Variants in ISM1 observed in about 807,000 individuals in gnomAD.
ISM1 encodes the protein isthmin-1.
A neutral mutation model predicts 46.3 loss-of-function variants in ISM1; 25 were observed. The ratio of observed to expected loss-of-function variants is 0.54; its 90% CI spans 0.39 to 0.75. ISM1 has a LOEUF of 0.75. ISM1 is among the 30% of genes least tolerant of loss of function. The pLI, the probability that ISM1 is intolerant of heterozygous loss-of-function variation, is 0.00. For synonymous variants in ISM1, 255 were observed against 256.7 expected (o/e 0.99, Z 0.06); for missense variants, 536 against 625.4 (o/e 0.86, Z 1.52).
chr20:13,292,406 G>C lies in ISM1; in HGVS notation c.820G>C (p.Glu274Gln), dbSNP rs374247955. The C allele has an allele frequency of 1.2e-6, 2 of 1,606,756 alleles. No individual in the cohort carries two copies. Among genetic ancestry groups the C allele is most frequent in the Admixed American group, 3.4e-5 (2 of 59,184 alleles). ...IEDTFRTAAT[E>Q]VSLLAGSEEF... ...AGACACTTTTAGGACAGCTGCCACCGAAGTGAGTCTGCTTGCGGGAAGCGA... is the reference window on the plus strand; with the variant it reads ...AGACACTTTTAGGACAGCTGCCACCCAAGTGAGTCTGCTTGCGGGAAGCGA... Residue 274 changes from glutamate (E) to glutamine (Q), a missense_variant, in exon 5 of 6, where the codon GAA becomes CAA. Coordinates refer to ENST00000262487, the MANE Select transcript of ISM1 (RefSeq NM_080826.2).
At chr20:13,229,639 C>A (rs1378662762) in intron 1 of ISM1, among the ~76,000 whole-genome samples, 2 of 152,158 alleles carry the variant, frequency 1.3e-5, no homozygotes, top group Non-Finnish European at 1.5e-5. Context: ...TTACACAAGC[C>A]TTTCTGTGGA....
chr20:13,306,448 T>A, the ISM1 span, among the ~76,000 whole-genome samples: 1 of 152,018 alleles, frequency 6.6e-6, no homozygotes, highest in East Asian at 1.9e-4. Flanking sequence ...GGTTTTGCTT[T>A]GTCTAGTTAT....
chr20:13,322,408 A>G, the ISM1 span, among the ~76,000 whole-genome samples: 1 of 151,726 alleles, frequency 6.6e-6, no homozygotes, highest in Non-Finnish European at 1.5e-5. Flanking sequence ...TCTCTCTCCA[A>G]CTCTTCCACC....
intron 4 of ISM1, among the ~76,000 whole-genome samples, chr20:13,289,544 C>A (rs1457805145): frequency 1.3e-5 from 2 of 152,050 alleles, no homozygotes; most frequent in Non-Finnish European, 2.9e-5. Flanking sequence ...CAAACTATGG[C>A]CAGGTCTGGC....
At chr20:13,311,251 A>AGATAGAT in the ISM1 span, among the ~76,000 whole-genome samples, 1,670 of 127,414 alleles carry the variant, frequency 0.013, 12 homozygotes, top group African/African-American at 0.016. Flanking sequence ...GATGATAGAT[A>AGATAGAT]GATAGATAGA....
At chr20:13,308,467 A>G in the ISM1 span, among the ~76,000 whole-genome samples, 1 of 152,140 alleles carries the variant, frequency 6.6e-6, no homozygotes, top group South Asian at 2.1e-4. Context: ...ATTGAACAGT[A>G]CTTTGCCTAT....
chr20:13,305,619 ATCCATGTCTACAGG>A (rs1401096728), downstream of ISM1, among the ~76,000 whole-genome samples: 5 of 152,224 alleles, frequency 3.3e-5, no homozygotes, highest in African/African-American at 1.2e-4. Context: ...AGAAACATAC[ATCCATGTCTACAGG>A]TCCTGCATAC....
chr20:13,258,657 AC>A (rs1021865387), intron 1 of ISM1, among the ~76,000 whole-genome samples: 3 of 152,148 alleles, frequency 2.0e-5, no homozygotes, highest in African/African-American at 7.2e-5. Flanking sequence ...ACCTCAGTTA[AC>A]TGAGGTTCTC....
At chr20:13,263,727 G>A (rs1196836641) in intron 1 of ISM1, among the ~76,000 whole-genome samples, 2 of 152,196 alleles carry the variant, frequency 1.3e-5, no homozygotes, top group East Asian at 3.9e-4. Context: ...GTGCCTGGGT[G>A]CAGTATGGCT....
At chr20:13,261,540 G>C (rs975312360) in intron 1 of ISM1, among the ~76,000 whole-genome samples, 2 of 152,068 alleles carry the variant, frequency 1.3e-5, no homozygotes, top group Admixed American at 6.5e-5. Context: ...TCTACCATAA[G>C]TGCAGAGGTG....
intron 1 of ISM1, among the ~76,000 whole-genome samples, chr20:13,251,823 G>T (rs2039871286): frequency 6.6e-6 from 1 of 152,122 alleles, no homozygotes; most frequent in Non-Finnish European, 1.5e-5. Flanking sequence ...ACTGGGGAGG[G>T]TGAGCACTTA....
downstream of ISM1, among the ~76,000 whole-genome samples, chr20:13,301,780 A>G (rs187801224): frequency 6.9e-4 from 105 of 152,258 alleles, no homozygotes; most frequent in African/African-American, 2.5e-3. Flanking sequence ...GTATTCAAGC[A>G]GAGGCTGGAG....
chr20:13,240,175 C>T (rs536603454), intron 1 of ISM1, among the ~76,000 whole-genome samples: 113 of 152,318 alleles, frequency 7.4e-4, no homozygotes, highest in African/African-American at 2.6e-3. Context: ...TATCGCGTGG[C>T]TGTGATCAGC....
intron 1 of ISM1, among the ~76,000 whole-genome samples, chr20:13,243,522 G>T (rs2039754945): frequency 6.6e-6 from 1 of 152,102 alleles, no homozygotes; most frequent in South Asian, 2.1e-4. Context: ...CACACTTAGG[G>T]CTGTCCTCTT....
rs367632125 is a variant in ISM1 at position 13,260,172 on chromosome 20, G to A, written c.139-10332G>A. 5.9e-5 allele frequency among the ~76,000 whole-genome samples: 9 copies of A among 152,334 alleles called. No homozygotes were observed. The South Asian group carries it at 1.2e-3, about 21-fold the overall frequency. On this transcript the variant is annotated intron_variant, in intron 1 of 5. Coordinates refer to ENST00000262487, the MANE Select transcript of ISM1 (RefSeq NM_080826.2). The stretch of plus-strand genomic sequence containing the variant: ...GCAGGTGGCAAAGGGAACAGGTGCC[G>A]GTGGCAGGAGCTTTCTCTTCACCTC...
intron 2 of ISM1, among the ~76,000 whole-genome samples, chr20:13,277,123 G>A (rs2040188542): frequency 6.6e-6 from 1 of 152,024 alleles, no homozygotes. Flanking sequence ...ATTTTGTTTG[G>A]ATCTGAGCAG....
downstream of ISM1, among the ~76,000 whole-genome samples, chr20:13,303,736 C>T (rs1305750190): frequency 2.0e-5 from 3 of 152,164 alleles, no homozygotes; most frequent in Non-Finnish European, 2.9e-5. Flanking sequence ...CATATACATA[C>T]GCCAGATACC....
rs553831442 is a variant in ISM1 at position 13,283,899 on chromosome 20, G to C, written c.643+4001G>C. On this transcript the variant is annotated intron_variant, in intron 3 of 5. Transcript: ENST00000262487. ...CTTTATAATGTTTAATTATGGCCAC[G>C]TAAGAGCGTATCTTAAAGCCAGAGC... Among the ~76,000 whole-genome samples the C allele has an allele frequency of 3.9e-5, 6 of 152,168 alleles. No individual in the cohort carries two copies. In the South Asian group the frequency reaches 1.0e-3, roughly 26 times the overall value.
intron 1 of ISM1, among the ~76,000 whole-genome samples, chr20:13,224,169 A>G (rs1203838988): frequency 6.6e-6 from 1 of 152,142 alleles, no homozygotes; most frequent in Non-Finnish European, 1.5e-5. Context: ...GTTCGGTGAG[A>G]CTGTCCACTC....
Sources: allele counts gnomAD v4.1 joint callset (sites outside exome capture counted in the v4.1 genomes callset), GRCh38; gene constraint gnomAD v4.1.1; transcripts MANE v1.5; gene names NCBI Gene and HGNC (gene_info 2026-07-23, HGNC 2026-07-21).